Variants in VPS4B observed in about 807,000 individuals in gnomAD.
VPS4B encodes vacuolar protein sorting-associated protein 4B.
A neutral mutation model predicts 56.1 loss-of-function variants in VPS4B; 23 were observed. The observed-to-expected ratio is 0.41, with a 90% CI of 0.30 to 0.58. VPS4B has a LOEUF of 0.58. VPS4B is among the 20% of genes least tolerant of loss of function. The pLI is 0.29. For synonymous variants in VPS4B, 177 were observed against 186.0 expected (o/e 0.95, Z 0.39); for missense variants, 372 against 531.9 (o/e 0.70, Z 2.96).
intron 1 of VPS4B, among the ~76,000 whole-genome samples, chr18:63,414,535 T>C (rs567604079): frequency 6.6e-6 from 1 of 152,150 alleles, no homozygotes; most frequent in South Asian, 2.1e-4. Flanking sequence ...CCCAGGTTCA[T>C]GTGATTCTCC....
intron 8 of VPS4B, among the ~76,000 whole-genome samples, chr18:63,398,750 A>G (rs1301876285): frequency 6.6e-6 from 1 of 150,646 alleles, no homozygotes; most frequent in Non-Finnish European, 1.5e-5. Context: ...CAGGAGAATC[A>G]CTTGAACCCG....
chr18:63,398,769 A>G (rs375086323), intron 8 of VPS4B, among the ~76,000 whole-genome samples: 4 of 151,172 alleles, frequency 2.6e-5, no homozygotes, highest in South Asian at 2.1e-4. Context: ...CGGGAGGTGG[A>G]GGATGCAGTG....
chr18:63,419,485 A>G (rs1916246486), intron 1 of VPS4B, among the ~76,000 whole-genome samples: 1 of 151,856 alleles, frequency 6.6e-6, no homozygotes, highest in African/African-American at 2.4e-5. Flanking sequence ...CCTTTGATCA[A>G]TCCTTTCCAC....
intron 5 of VPS4B, among the ~76,000 whole-genome samples, chr18:63,401,120 T>A (rs1915798344): frequency 6.6e-6 from 1 of 152,228 alleles, no homozygotes; most frequent in Admixed American, 6.5e-5. Flanking sequence ...AATGGGCAGC[T>A]GGAAGAGATT....
chr18:63,406,467 A>C (rs1915919558), intron 4 of VPS4B, among the ~76,000 whole-genome samples: 1 of 152,260 alleles, frequency 6.6e-6, no homozygotes, highest in Non-Finnish European at 1.5e-5. Context: ...ACCAAGGCTG[A>C]ACCTATAAAA....
intron 4 of VPS4B, 45 bp from the exon 5 acceptor site, chr18:63,403,871 C>T (rs1335263097): frequency 6.4e-7 from 1 of 1,567,330 alleles, no homozygotes; most frequent in African/African-American, 1.4e-5. Flanking sequence ...GACTATTTCA[C>T]CAAAGTTAGA....
At chr18:63,391,679 T>C (rs905244729) in intron 10 of VPS4B, among the ~76,000 whole-genome samples, 2 of 152,238 alleles carry the variant, frequency 1.3e-5, no homozygotes, top group African/African-American at 4.8e-5. Context: ...CTCCAAAGTA[T>C]GTTCATGATC....
intron 4 of VPS4B, 84 bp downstream of exon 4, chr18:63,407,348 G>A: frequency 1.7e-6 from 2 of 1,169,878 alleles, no homozygotes; most frequent in Non-Finnish European, 1.2e-6. Flanking sequence ...AAATATAGAG[G>A]GAGAACAAAA....
At chr18:63,394,756 C>T (rs544501503) in intron 9 of VPS4B, among the ~76,000 whole-genome samples, 14 of 152,306 alleles carry the variant, frequency 9.2e-5, no homozygotes, top group South Asian at 2.1e-4. Context: ...TGAGCCACCG[C>T]GCCCAGCCAA....
Position 63,390,974 on chromosome 18 carries a change from C to CTTAA in VPS4B, c.1335_*1insTTAA. The CTTAA allele has an allele frequency of 1.3e-6, 2 of 1,593,572 alleles. No homozygotes were observed. Among genetic ancestry groups the CTTAA allele is most frequent in the Non-Finnish European group, 1.7e-6 (2 of 1,162,220 alleles). On this transcript the variant is annotated 3_prime_UTR_variant, in exon 11 of 11. Transcript: ENST00000238497. ...TGGTAAGCATCTTCCTTGTCTTTGG[C>CTTAA]TTAGCCTTCTTGACCAAAATCTTCT...
In VPS4B at chr18:63,397,259, AAG is replaced by A; in HGVS notation, c.873-8_873-7del. The A allele has an allele frequency of 2.5e-6, 4 of 1,594,330 alleles. No individual in the cohort carries two copies. Among genetic ancestry groups the A allele is most frequent in the Non-Finnish European group, 3.4e-6 (4 of 1,171,772 alleles). Reference sequence around the variant, plus strand: ...TATAAATTCGTTTCTCAAATCTTAAAAGAGAAATTACATCAAGAATATATTTA... The same window carrying A: ...TATAAATTCGTTTCTCAAATCTTAAAAGAAATTACATCAAGAATATATTTA... On this transcript the variant is annotated splice_polypyrimidine_tract_variant and splice_region_variant and intron_variant, in intron 8 of 10. Coordinates refer to ENST00000238497, the MANE Select transcript of VPS4B (RefSeq NM_004869.4).
At position 63,403,795 on chromosome 18, in the gene VPS4B, T is replaced by C. The variant is rs746824787; in HGVS notation, c.396A>G (p.Lys132=). ...CTTCAAGTCCAGCAACGTCACTCCA[T>C]TTCACATTTGGTCGTTCTATAACAA... ...GAIVIERPNV[K]WSDVAGLEGA... The change falls in exon 5 of 11, where the codon AAA becomes AAG. Residue 132 remains lysine (K), a synonymous_variant. Coordinates refer to ENST00000238497, the MANE Select transcript of VPS4B (RefSeq NM_004869.4). 2 of 1,613,012 alleles carry C rather than the reference T, an allele frequency of 1.2e-6. No individual in the cohort carries two copies. Among genetic ancestry groups the C allele is most frequent in the Non-Finnish European group, 1.7e-6 (2 of 1,179,474 alleles).
chr18:63,409,582 T>C (rs1395921590), intron 3 of VPS4B, among the ~76,000 whole-genome samples: 2 of 152,214 alleles, frequency 1.3e-5, no homozygotes, highest in African/African-American at 4.8e-5. Context: ...ATGTTCCCAG[T>C]GCTGAGCACA....
At chr18:63,392,781 C>T (rs866910878) in intron 10 of VPS4B, among the ~76,000 whole-genome samples, 17 of 148,886 alleles carry the variant, frequency 1.1e-4, no homozygotes, top group Non-Finnish European at 2.4e-4. Context: ...GACAGAGTCT[C>T]GCTCTGTTGC....
intron 1 of VPS4B, among the ~76,000 whole-genome samples, chr18:63,417,596 C>A (rs185654115): frequency 2.6e-5 from 4 of 152,104 alleles, no homozygotes; most frequent in African/African-American, 4.8e-5. Context: ...TTTCCTCCCC[C>A]CCTACATCAG....
intron 1 of VPS4B, among the ~76,000 whole-genome samples, chr18:63,414,262 T>C (rs1396373266): frequency 1.3e-5 from 2 of 149,722 alleles, no homozygotes; most frequent in East Asian, 4.1e-4. Context: ...CCCAGCTACT[T>C]GGGAGGCTGA....
Position 63,422,290 on chromosome 18 carries a change from C to T in VPS4B, c.-31G>A, listed in dbSNP as rs776764418. 2.0e-6 allele frequency: 3 copies of T among 1,485,982 alleles called. No individual in the cohort carries two copies. Among genetic ancestry groups the T allele is most frequent in the Non-Finnish European group, 2.7e-6 (3 of 1,116,360 alleles). 92.0% of individuals were successfully genotyped at this position (1,485,982 alleles called of 1,614,324 possible). On this transcript the variant is annotated 5_prime_UTR_variant, in exon 1 of 11. Coordinates refer to ENST00000238497, the MANE Select transcript of VPS4B (RefSeq NM_004869.4). Reference sequence around the variant, plus strand: ...AGTTCCCAGGCGGTTCCCAAGGGAACGAGGGGCGAGGAGAGCCAACAGCAG... The same window carrying T: ...AGTTCCCAGGCGGTTCCCAAGGGAATGAGGGGCGAGGAGAGCCAACAGCAG...
At chr18:63,396,755 G>A (rs1416214459) in intron 9 of VPS4B, 11 of 364,728 alleles carry the variant, frequency 3.0e-5, no homozygotes, top group African/African-American at 6.3e-5. Flanking sequence ...TTGGGAGGCC[G>A]AGGTGGGTGG....
At chr18:63,403,898 T>C (rs1915863531) in intron 4 of VPS4B, 72 bp from the exon 5 acceptor site, 3 of 1,509,978 alleles carry the variant, frequency 2.0e-6, no homozygotes, top group Non-Finnish European at 2.7e-6. Context: ...CATGAAATAA[T>C]GATGTTAAAG....
Sources: allele counts gnomAD v4.1 joint callset (sites outside exome capture counted in the v4.1 genomes callset), GRCh38; gene constraint gnomAD v4.1.1; transcripts MANE v1.5; gene names NCBI Gene and HGNC (gene_info 2026-07-23, HGNC 2026-07-21).